The following CENPK variants were observed in gnomAD, a reference collection of about 807,000 sequenced individuals.
CENPK encodes centromere protein K.
A neutral mutation model predicts 40.9 loss-of-function variants in CENPK; 46 were observed. The observed-to-expected ratio is 1.13, with a 90% CI of 0.89 to 1.44. The LOEUF is 1.44. Ranked by LOEUF, CENPK falls within the 40% of genes most tolerant of loss-of-function variation. CENPK has a pLI of 0.00. For missense variants in CENPK, 288 were observed against 303.5 expected (o/e 0.95, Z 0.38); for synonymous variants, 107 against 104.4 (o/e 1.02, Z -0.15).
chr5:65,527,362 T>A (rs1744889930), intron 9 of CENPK, among the ~76,000 whole-genome samples: 1 of 151,596 alleles, frequency 6.6e-6, no homozygotes, highest in Non-Finnish European at 1.5e-5. Flanking sequence ...AAGTCCATAG[T>A]ATAAATCCTA....
At chr5:65,551,426 A>C in intron 5 of CENPK, 138 bp downstream of exon 5, 1 of 550,320 alleles carries the variant, frequency 1.8e-6, no homozygotes, top group Non-Finnish European at 3.3e-6. Flanking sequence ...TCACAGAAAA[A>C]AAGTGGCTTC....
chr5:65,529,259 G>A (rs112432754), intron 6 of CENPK, 60 bp from the exon 7 acceptor site: 26 of 1,145,758 alleles, frequency 2.3e-5, no homozygotes, highest in African/African-American at 1.9e-4. Context: ...ATTTCTGAAC[G>A]ATAGTCAAAT....
intron 10 of CENPK, 84 bp downstream of exon 10, chr5:65,521,390 AT>A: frequency 1.2e-6 from 1 of 841,288 alleles, no homozygotes; most frequent in African/African-American, 1.7e-5. Flanking sequence ...TTAAAGCAGT[AT>A]TTTTTGTTTT....
At chr5:65,536,698 T>C (rs1746965622) in intron 6 of CENPK, among the ~76,000 whole-genome samples, 1 of 151,770 alleles carries the variant, frequency 6.6e-6, no homozygotes, top group South Asian at 2.1e-4. Context: ...TGTCCATGTA[T>C]TATTTATTTT....
At chr5:65,547,196 C>G (rs1749150255) in intron 5 of CENPK, among the ~76,000 whole-genome samples, 1 of 151,986 alleles carries the variant, frequency 6.6e-6, no homozygotes, top group African/African-American at 2.4e-5. Context: ...AGTTTGAGAT[C>G]AGCCTGGCCA....
the CENPK span, among the ~76,000 whole-genome samples, chr5:65,509,783 T>C: frequency 6.6e-6 from 1 of 152,206 alleles, no homozygotes; most frequent in African/African-American, 2.4e-5. Context: ...ACCACTACAA[T>C]ATCTCCAACA....
chr5:65,496,950 G>A, the CENPK span, among the ~76,000 whole-genome samples: 4 of 151,878 alleles, frequency 2.6e-5, no homozygotes, highest in African/African-American at 4.8e-5. Context: ...CCAGGTACTC[G>A]GGAGGCTGAG....
chr5:65,520,497 TGACA>T (rs1385749130), intron 10 of CENPK, among the ~76,000 whole-genome samples: 1 of 152,188 alleles, frequency 6.6e-6, no homozygotes, highest in Non-Finnish European at 1.5e-5. Flanking sequence ...TTTCCATGAC[TGACA>T]ATTTTTATTA....
chr5:65,536,024 A>C (rs1013663565), intron 6 of CENPK, among the ~76,000 whole-genome samples: 2 of 152,208 alleles, frequency 1.3e-5, no homozygotes, highest in African/African-American at 2.4e-5. Flanking sequence ...ACAATGATAG[A>C]ACCAGCTCCT....
intron 10 of CENPK, among the ~76,000 whole-genome samples, chr5:65,521,036 T>C (rs1258829081): frequency 6.6e-6 from 1 of 152,190 alleles, no homozygotes; most frequent in Non-Finnish European, 1.5e-5. Flanking sequence ...TTAAAAATTG[T>C]ACAATTTCTA....
intron 6 of CENPK, among the ~76,000 whole-genome samples, chr5:65,535,217 A>G (rs1285224217): frequency 6.6e-6 from 1 of 151,766 alleles, no homozygotes; most frequent in Non-Finnish European, 1.5e-5. Flanking sequence ...GAGTGACAGA[A>G]CAAAACCCTG....
the CENPK span, among the ~76,000 whole-genome samples, chr5:65,512,047 G>A: frequency 1.3e-5 from 2 of 152,178 alleles, no homozygotes; most frequent in African/African-American, 4.8e-5. Flanking sequence ...GGATGACTCT[G>A]AGGGGTTCAA....
chr5:65,497,877 C>CAAAT, the CENPK span, among the ~76,000 whole-genome samples: 2 of 151,742 alleles, frequency 1.3e-5, no homozygotes, highest in Admixed American at 6.6e-5. Context: ...TTCAAACAAA[C>CAAAT]AAATAAATAA....
At chr5:65,551,534 A>G (rs760476794) in intron 5 of CENPK, 30 bp downstream of exon 5, 3 of 1,301,768 alleles carry the variant, frequency 2.3e-6, no homozygotes, top group East Asian at 4.8e-5. Context: ...TAGGTTTACA[A>G]AAAATTCAAA....
intron 6 of CENPK, among the ~76,000 whole-genome samples, chr5:65,539,843 C>G (rs929744668): frequency 6.6e-6 from 1 of 152,202 alleles, no homozygotes; most frequent in African/African-American, 2.4e-5. Flanking sequence ...GAGATATGAC[C>G]CTCCAGAAGG....
chr5:65,535,323 AC>A (rs1294782317), intron 6 of CENPK, among the ~76,000 whole-genome samples: 1 of 152,178 alleles, frequency 6.6e-6, no homozygotes, highest in African/African-American at 2.4e-5. Flanking sequence ...CTTGGACATT[AC>A]TAAAGCCTGT....
In CENPK at chr5:65,518,177, TA is replaced by T. The variant is rs2150327537; in HGVS notation, c.*297del. ...AGAAAATATTATATTAGCAATATCA[TA>T]AATCAACAAAGAATCCAAAGAATAT... On this transcript the variant is annotated 3_prime_UTR_variant, in exon 11 of 11. Coordinates refer to ENST00000396679, the MANE Select transcript of CENPK (RefSeq NM_022145.5). 1 of 187,758 alleles carries T rather than the reference TA, an allele frequency of 5.3e-6. No homozygotes were observed. Among genetic ancestry groups the T allele is most frequent in the African/African-American group, 2.3e-5 (1 of 42,692 alleles). The allele number at this position is 187,758 out of a possible 1,614,324, so 11.6% of individuals were successfully genotyped here.
At chr5:65,526,009 G>C (rs1287111777) in intron 9 of CENPK, among the ~76,000 whole-genome samples, 1 of 152,094 alleles carries the variant, frequency 6.6e-6, no homozygotes, top group Admixed American at 6.5e-5. Flanking sequence ...GAGAGAGAAA[G>C]AAACACACAG....
At chr5:65,550,231 G>A (rs1359472516) in intron 5 of CENPK, among the ~76,000 whole-genome samples, 1 of 151,552 alleles carries the variant, frequency 6.6e-6, no homozygotes, top group African/African-American at 2.4e-5. Flanking sequence ...TGGCTAACTG[G>A]TGCCGGAGGC....
Sources: gnomAD v4.1 joint callset for allele counts (sites outside exome capture counted in the v4.1 genomes callset) on GRCh38, gnomAD v4.1.1 for gene constraint, MANE v1.5 for transcripts, NCBI Gene and HGNC (gene_info 2026-07-23, HGNC 2026-07-21) for gene names.